SNRNP27: variants seen among roughly 807,000 people sequenced by gnomAD.
The protein encoded by SNRNP27 is U4/U6.U5 small nuclear ribonucleoprotein 27 kDa protein.
SNRNP27 carries 22 observed loss-of-function variants against 25.1 expected under a neutral mutation model. That is an observed-to-expected ratio of 0.88 (90% CI 0.63 to 1.25). SNRNP27 has a LOEUF of 1.25. Among genes scored for constraint, SNRNP27 ranks in the 50% most tolerant of loss-of-function variants. SNRNP27 has a pLI of 0.00. For missense variants in SNRNP27, 150 were observed against 202.3 expected (o/e 0.74, Z 1.57); for synonymous variants, 66 against 64.9 (o/e 1.02, Z -0.08).
At chr2:69,898,676 T>G (rs907483872) in intron 4 of SNRNP27, among the ~76,000 whole-genome samples, 4 of 152,046 alleles carry the variant, frequency 2.6e-5, no homozygotes, top group African/African-American at 9.7e-5. Flanking sequence ...AGGGCTCACA[T>G]GTTTTAAAAT....
chr2:69,901,792 A>G (rs974176537), intron 4 of SNRNP27, among the ~76,000 whole-genome samples: 1 of 152,180 alleles, frequency 6.6e-6, no homozygotes, highest in Admixed American at 6.5e-5. Context: ...CTGCACTCCA[A>G]CCTGGCGACA....
At position 69,904,433 on chromosome 2, in the gene SNRNP27, A is replaced by C. The variant is rs561650714; in HGVS notation, c.*125A>C. 6 of 783,038 alleles carry C rather than the reference A, an allele frequency of 7.7e-6. No homozygotes were observed. In the East Asian group the frequency reaches 1.6e-4, roughly 20 times the overall value. 48.5% of individuals were successfully genotyped at this position (783,038 alleles called of 1,614,324 possible). A position where few individuals can be genotyped will look rare whatever the true frequency, so the allele number is the denominator to read the frequency against. Reference sequence around the variant, plus strand: ...GTTCTCCTTTCTTGTAAAGTAAGAAAATCTTATTTATGATATATGCAGTTA... The same window carrying C: ...GTTCTCCTTTCTTGTAAAGTAAGAACATCTTATTTATGATATATGCAGTTA... On this transcript the variant is annotated 3_prime_UTR_variant, in exon 6 of 6. Coordinates refer to ENST00000244227, the MANE Select transcript of SNRNP27 (RefSeq NM_006857.3).
In SNRNP27 at chr2:69,896,362, C is replaced by T; in HGVS notation, c.156-74C>T. ...ACTCGTGGTTCTGTGGAGCTCACCT[C>T]ATGTATATCTGTGCTGATTGATACA... On this transcript the variant is annotated intron_variant, in intron 2 of 5. Transcript: ENST00000244227. 4 of 1,362,124 alleles carry T rather than the reference C, an allele frequency of 2.9e-6. No individual in the cohort carries two copies. In the South Asian group the frequency reaches 4.9e-5, roughly 17 times the overall value. 84.4% of individuals were successfully genotyped at this position (1,362,124 alleles called of 1,614,324 possible).
At position 69,896,476 on chromosome 2, in the gene SNRNP27, C is replaced by T. The variant is rs760270782; in HGVS notation, c.196C>T (p.Arg66Ter). The change falls in exon 3 of 6, where the codon CGA becomes TGA. Residue 66 changes from arginine (R) to a stop codon, truncating the protein, a stop_gained. Coordinates refer to ENST00000244227, the MANE Select transcript of SNRNP27 (RefSeq NM_006857.3). LOFTEE classifies it high-confidence loss of function. The part of the protein sequence containing the change: ...RHRSTSPSPS[R>*]LKERRDEEKK... ...TAGATCCACATCTCCTTCCCCTTCT[C>T]GACTGAAAGAAAGAAGAGATGAGGA... The T allele has an allele frequency of 1.6e-5, 25 of 1,610,722 alleles. No individual in the cohort carries two copies. The highest frequency in any genetic ancestry group is 2.0e-5 in the Non-Finnish European group (24 of 1,178,346).
intron 4 of SNRNP27, among the ~76,000 whole-genome samples, chr2:69,899,984 A>ATTT (rs56983328): frequency 3.5e-5 from 5 of 144,766 alleles, no homozygotes; most frequent in Non-Finnish European, 3.1e-5. Context: ...GCCTCAGTCC[A>ATTT]TTTTTTTTTT....
chr2:69,894,856 A>G (rs1361036787), intron 1 of SNRNP27, among the ~76,000 whole-genome samples: 1 of 151,738 alleles, frequency 6.6e-6, no homozygotes, highest in Non-Finnish European at 1.5e-5. Flanking sequence ...TAATTTTTGT[A>G]TTTTTATTAG....
intron 4 of SNRNP27, among the ~76,000 whole-genome samples, chr2:69,899,525 G>A (rs1676658316): frequency 6.6e-6 from 1 of 152,140 alleles, no homozygotes; most frequent in Non-Finnish European, 1.5e-5. Context: ...CGCCTCCTGG[G>A]TTCAACCGAT....
chr2:69,896,963 C>T (rs943185067), intron 3 of SNRNP27, among the ~76,000 whole-genome samples: 8 of 152,194 alleles, frequency 5.3e-5, no homozygotes, highest in South Asian at 2.1e-4. Context: ...CGTGAACCAC[C>T]GTGCCCAGCC....
At chr2:69,903,118 CATGTATCCTGATTTA>C (rs1676738563) in intron 4 of SNRNP27, 48 bp from the exon 5 acceptor site, 1 of 1,322,598 alleles carries the variant, frequency 7.6e-7, no homozygotes, top group South Asian at 1.2e-5. Context: ...CACCTGCTTT[CATGTATCCTGATTTA>C]ATGTATCCTT....
At position 69,904,734 on chromosome 2, in the gene SNRNP27, A is replaced by G. The variant is rs1676765065; in HGVS notation, c.*426A>G. 1 of 200,712 alleles carries G rather than the reference A, an allele frequency of 5.0e-6. No individual in the cohort carries two copies. Among genetic ancestry groups the G allele is most frequent in the Admixed American group, 6.0e-5 (1 of 16,710 alleles). The allele number at this position is 200,712 out of a possible 1,614,324, so 12.4% of individuals were successfully genotyped here. On this transcript the variant is annotated 3_prime_UTR_variant, in exon 6 of 6. Transcript: ENST00000244227. ...AGACATTTTCTTTTTTTTTTCACACATAGATTTAAGTATCTTGATTGTTAG... is the reference window on the plus strand; with the variant it reads ...AGACATTTTCTTTTTTTTTTCACACGTAGATTTAAGTATCTTGATTGTTAG...
intron 4 of SNRNP27, 42 bp from the exon 5 acceptor site, chr2:69,903,139 T>A (rs750423168): frequency 6.8e-7 from 1 of 1,474,420 alleles, no homozygotes; most frequent in African/African-American, 1.4e-5. Flanking sequence ...ATTTAATGTA[T>A]CCTTCCTGTT....
intron 2 of SNRNP27, among the ~76,000 whole-genome samples, chr2:69,896,112 C>CT (rs1383264307): frequency 6.6e-6 from 1 of 152,018 alleles, no homozygotes; most frequent in East Asian, 1.9e-4. Context: ...CCACCTGGCT[C>CT]TGAGTCTTAA....
intron 4 of SNRNP27, among the ~76,000 whole-genome samples, chr2:69,902,758 T>A (rs1475368547): frequency 6.6e-6 from 1 of 152,054 alleles, no homozygotes; most frequent in Non-Finnish European, 1.5e-5. Context: ...TTCTGTTTAT[T>A]CTGCTACTGC....
chr2:69,895,635 T>G (rs1454253953), intron 2 of SNRNP27, among the ~76,000 whole-genome samples: 3 of 152,116 alleles, frequency 2.0e-5, no homozygotes, highest in Admixed American at 2.0e-4. Flanking sequence ...CCGCCTCCCC[T>G]GCAATCTCTG....
Position 69,903,249 on chromosome 2 carries a change from T to C in SNRNP27, c.413+4T>C. On this transcript the variant is annotated splice_donor_region_variant and intron_variant, in intron 5 of 5. Coordinates refer to ENST00000244227, the MANE Select transcript of SNRNP27 (RefSeq NM_006857.3). ...TCTCTCAGAAGAGGAAGTACAGGTA[T>C]GCATAGCCCCCATTATTATGTTTGA... 2 of 1,599,406 alleles carry C rather than the reference T, an allele frequency of 1.3e-6. No homozygotes were observed. The highest frequency in any genetic ancestry group is 1.7e-6 in the Non-Finnish European group (2 of 1,166,708).
intron 4 of SNRNP27, among the ~76,000 whole-genome samples, chr2:69,901,490 T>A (rs1002400806): frequency 6.6e-4 from 100 of 152,198 alleles, no homozygotes; most frequent in African/African-American, 2.4e-3. Flanking sequence ...CTAGCATTTG[T>A]GTCTGTTATT....
At chr2:69,901,098 C>A (rs1193691594) in intron 4 of SNRNP27, among the ~76,000 whole-genome samples, 1 of 151,534 alleles carries the variant, frequency 6.6e-6, no homozygotes, top group Non-Finnish European at 1.5e-5. Context: ...CACTTAAACC[C>A]GACAGGCGGA....
intron 4 of SNRNP27, chr2:69,897,834 A>G (rs545589255): frequency 6.7e-4 from 111 of 166,298 alleles, no homozygotes; most frequent in Non-Finnish European, 1.3e-3. Context: ...GGCTAGAAAT[A>G]GAGGTAGGAG....
At chr2:69,896,035 A>G (rs975226505) in intron 2 of SNRNP27, among the ~76,000 whole-genome samples, 3 of 148,988 alleles carry the variant, frequency 2.0e-5, no homozygotes, top group Non-Finnish European at 3.0e-5. Flanking sequence ...TTGAATTCCT[A>G]GGCTCAAGCA....
Sources: gnomAD v4.1 joint callset for allele counts (sites outside exome capture counted in the v4.1 genomes callset) on GRCh38, gnomAD v4.1.1 for gene constraint, MANE v1.5 for transcripts, NCBI Gene and HGNC (gene_info 2026-07-23, HGNC 2026-07-21) for gene names.